TMEM235: variants seen among roughly 807,000 people sequenced by gnomAD.
The protein encoded by TMEM235 is claudin-27.
In TMEM235, 23 loss-of-function variants were observed where a neutral mutation model predicts 22.9. The observed-to-expected ratio is 1.00, with a 90% CI of 0.72 to 1.42. The LOEUF (loss-of-function observed/expected upper bound fraction) is 1.42. Ranked by LOEUF, TMEM235 falls within the 40% of genes most tolerant of loss-of-function variation. The probability of loss-of-function intolerance (pLI) is 0.00; values close to 1 mark genes in which losing one functional copy is unlikely to be tolerated. For missense variants in TMEM235, 308 were observed against 299.5 expected (o/e 1.03, Z -0.21); for synonymous variants, 137 against 140.5 (o/e 0.98, Z 0.17).
intron 4 of TMEM235, among the ~76,000 whole-genome samples, 185 bp downstream of exon 3, chr17:78,234,915 C>T (rs563776442): frequency 2.8e-4 from 43 of 152,320 alleles, no homozygotes; most frequent in African/African-American, 1.0e-3. Context: ...TATATTTGTT[C>T]TCACGTTGCT....
At chr17:78,231,519 G>A (rs1279660384) in exon 2 of TMEM235, 1 of 1,304,250 alleles carries the variant, frequency 7.7e-7, no homozygotes, top group South Asian at 1.2e-5. Context: ...CAGGACCCCA[G>A]GGCCAGCCCG....
At chr17:78,236,178 G>A (rs1216028014) in intron 4 of TMEM235, among the ~76,000 whole-genome samples, 2 of 152,210 alleles carry the variant, frequency 1.3e-5, no homozygotes, top group African/African-American at 4.8e-5. Context: ...TTGGTGCGGG[G>A]GGCATGAGGG....
At chr17:78,239,891 C>G (rs749477706) in exon 6 of TMEM235, 1 of 1,551,398 alleles carries the variant, frequency 6.4e-7, no homozygotes, top group Non-Finnish European at 8.7e-7. Context: ...CCACTCTCCC[C>G]GAAGGGCAGG....
In TMEM235 at chr17:78,238,578, GTGTGTGTGAA is replaced by G. The variant is rs1433337034; in HGVS notation, c.410-439_410-430del. 1.4e-5 allele frequency among the ~76,000 whole-genome samples: 2 copies of G among 146,552 alleles called. No individual in the cohort carries two copies. Among genetic ancestry groups the G allele is most frequent in the African/African-American group, 5.2e-5 (2 of 38,230 alleles). On this transcript the variant is annotated intron_variant, in intron 4 of 5. Coordinates refer to ENST00000421688, the Ensembl canonical transcript of TMEM235. The surrounding 1 kb of genome is among the most constrained non-coding windows in gnomAD (Gnocchi z 4.3). ...TGTGTGTGTGTGTGTGTGTGTGTGT[GTGTGTGTGAA>G]TGTGTGCAAATGTGTTCGTGTAGGT...
intron 4 of TMEM235, among the ~76,000 whole-genome samples, chr17:78,236,301 A>G (rs925429153): frequency 1.3e-5 from 2 of 152,074 alleles, no homozygotes; most frequent in African/African-American, 4.8e-5. Flanking sequence ...GGGAGGAGCA[A>G]GGGTTCCGGG....
chr17:78,234,114 C>G, intron 3 of TMEM235, 139 bp downstream of exon 2: 2 of 793,704 alleles, frequency 2.5e-6, no homozygotes, highest in African/African-American at 3.4e-5. Flanking sequence ...GCAGACCTGT[C>G]CCAGTGCTGT....
At chr17:78,236,995 T>C (rs1379841392) in intron 4 of TMEM235, among the ~76,000 whole-genome samples, 1 of 152,128 alleles carries the variant, frequency 6.6e-6, no homozygotes, top group Non-Finnish European at 1.5e-5. Context: ...GACTAGAGTG[T>C]AATTGGGTTG....
At chr17:78,232,151 G>T (rs2076589295) in exon 2 of TMEM235, 1 of 1,487,536 alleles carries the variant, frequency 6.7e-7, no homozygotes, top group South Asian at 1.3e-5. Context: ...GGCAATGGCA[G>T]CGCCTGGCCC....
At chr17:78,232,253 T>C in intron 2 of TMEM235, 40 bp downstream of exon 1, 1 of 1,415,318 alleles carries the variant, frequency 7.1e-7, no homozygotes. Flanking sequence ...CTCCGCGACC[T>C]CGTCCCTCCG....
In TMEM235 at chr17:78,234,049, C is replaced by T. The variant is rs143168002; in HGVS notation, c.271+74C>T. The T allele has an allele frequency of 2.3e-3, 3,084 of 1,315,242 alleles. 72 individuals carry two copies. In the African/African-American group the frequency reaches 0.04, roughly 17 times the overall value. The allele number at this position is 1,315,242 out of a possible 1,614,324, so 81.5% of individuals were successfully genotyped here. A position where few individuals can be genotyped will look rare whatever the true frequency, so the allele number is the denominator to read the frequency against. On this transcript the variant is annotated intron_variant, in intron 3 of 5. Transcript: ENST00000421688. Reference sequence around the variant, plus strand: ...AAGGCAGATCCCAGCCATCCCCATCCCCATCCCGCAGCACTGCTTCCACTG... The same window carrying T: ...AAGGCAGATCCCAGCCATCCCCATCTCCATCCCGCAGCACTGCTTCCACTG...
Position 78,240,505 on chromosome 17 carries a change from G to T in TMEM235, c.*713G>T, listed in dbSNP as rs557414108. On this transcript the variant is annotated 3_prime_UTR_variant, in exon 6 of 6. Transcript: ENST00000421688. The stretch of plus-strand genomic sequence containing the variant: ...CCTTGGGCCACAAAGGCTGGGGCAC[G>T]CCCACCGTTATGCAGATGGACAGTT... The T allele has an allele frequency of 3.1e-5, 5 of 159,320 alleles. No homozygotes were observed. The South Asian group carries it at 7.0e-4, about 22-fold the overall frequency. The allele number at this position is 159,320 out of a possible 1,614,324, so 9.9% of individuals were successfully genotyped here. A position where few individuals can be genotyped will look rare whatever the true frequency, so the allele number is the denominator to read the frequency against.
exon 5 of TMEM235, chr17:78,239,076 C>G: frequency 6.5e-7 from 1 of 1,544,654 alleles, no homozygotes; most frequent in Non-Finnish European, 8.7e-7. Flanking sequence ...CGCACCTGGC[C>G]TTTGCGGAGA....
At chr17:78,234,087 CA>C in intron 3 of TMEM235, 112 bp downstream of exon 2, 1 of 1,013,526 alleles carries the variant, frequency 9.9e-7, no homozygotes, top group South Asian at 1.5e-5. Flanking sequence ...CCTGCGTTTC[CA>C]AGAGGACGTT....
chr17:78,237,360 C>T lies in TMEM235; in HGVS notation c.410-1664C>T, dbSNP rs913512829. On this transcript the variant is annotated intron_variant, in intron 4 of 5. Transcript: ENST00000421688. The surrounding 1 kb of genome is among the most constrained non-coding windows in gnomAD (Gnocchi z 4.7). ...GGGCCTGGGGGACCGACAGGGCCCA[C>T]GGTGACAGAGTCCTTTAGAGTTTCC... Among the ~76,000 whole-genome samples, 26 of 152,084 alleles carry T rather than the reference C, an allele frequency of 1.7e-4. No homozygotes were observed. The highest frequency in any genetic ancestry group is 4.8e-5 in the African/African-American group (2 of 41,412).
At chr17:78,240,044 T>A in exon 6 of TMEM235, 1 of 1,483,164 alleles carries the variant, frequency 6.7e-7, no homozygotes, top group Non-Finnish European at 9.0e-7. Context: ...ACTGAGCACT[T>A]CCGGGAAGAG....
exon 5 of TMEM235, chr17:78,239,034 A>G: frequency 6.5e-7 from 1 of 1,540,464 alleles, no homozygotes; most frequent in Non-Finnish European, 8.7e-7. Context: ...GTGTCCTGAC[A>G]CTGGCGGGGG....
exon 2 of TMEM235, chr17:78,231,461 T>A (rs1238490968): frequency 7.7e-7 from 1 of 1,302,682 alleles, no homozygotes; most frequent in East Asian, 5.6e-5. Context: ...GCCCAGCCAC[T>A]GCACTTCACC....
Position 78,238,237 on chromosome 17 carries a change from ACTG to A in TMEM235, c.410-785_410-783del, listed in dbSNP as rs2076665876. On this transcript the variant is annotated intron_variant, in intron 4 of 5. Transcript: ENST00000421688. This position sits in a 1 kb window ranked among gnomAD's most constrained non-coding sequence, Gnocchi z 4.3. ...TACCTAGCTCGTTGCTGGACCCTGA[ACTG>A]CCGGATGAAGCCTGGTGCCCGCCAC... 6.6e-6 allele frequency among the ~76,000 whole-genome samples: 1 copy of A among 152,224 alleles called. No homozygotes were observed. The highest frequency in any genetic ancestry group is 2.1e-4 in the South Asian group (1 of 4,830).
intron 1 of TMEM235, chr17:78,231,363 G>A (rs1379332206): frequency 8.1e-7 from 1 of 1,233,036 alleles, no homozygotes; most frequent in Non-Finnish European, 1.1e-6. Context: ...GACAGGCAGA[G>A]GCCGGCCTTG....
Sources: allele counts gnomAD v4.1 joint callset (sites outside exome capture counted in the v4.1 genomes callset), GRCh38; gene constraint gnomAD v4.1.1; non-coding constraint Gnocchi (gnomAD v3.1); transcripts MANE v1.5; gene names NCBI Gene and HGNC (gene_info 2026-07-23, HGNC 2026-07-21).